Variants in NCAM2 observed in about 807,000 individuals in gnomAD.
The protein encoded by NCAM2 is N-CAM-2.
Under a neutral mutation model 98.1 loss-of-function variants are expected in NCAM2, and 30 were observed. The ratio of observed to expected loss-of-function variants is 0.31; its 90% CI spans 0.23 to 0.41. NCAM2 has a LOEUF of 0.41. NCAM2 is among the 10% of genes least tolerant of loss of function. The pLI is 1.00. For synonymous variants in NCAM2, 368 were observed against 342.4 expected, an observed-to-expected ratio of 1.07 and a Z score of -0.83; for missense variants, 867 against 1,005.8, an observed-to-expected ratio of 0.86 and a Z score of 1.87.
At chr21:21,368,528 A>G (rs1277961762) in intron 8 of NCAM2, among the ~76,000 whole-genome samples, 1 of 151,908 alleles carries the variant, frequency 6.6e-6, no homozygotes, top group Non-Finnish European at 1.5e-5. Flanking sequence ...TCACAGTTCT[A>G]GAGACTGGGA....
intron 14 of NCAM2, among the ~76,000 whole-genome samples, chr21:21,473,300 G>GTATA (rs143852270): frequency 3.6e-4 from 52 of 143,206 alleles, no homozygotes; most frequent in Middle Eastern, 3.7e-3. Flanking sequence ...TGGTCTATCT[G>GTATA]TATATATATA....
At chr21:21,381,975 C>T (rs557098589) in intron 9 of NCAM2, among the ~76,000 whole-genome samples, 4 of 152,154 alleles carry the variant, frequency 2.6e-5, no homozygotes, top group South Asian at 2.1e-4. Context: ...TTTCTTTGCT[C>T]TTGAGAATTC....
At chr21:21,466,130 T>C (rs1983649179) in intron 12 of NCAM2, among the ~76,000 whole-genome samples, 2 of 152,054 alleles carry the variant, frequency 1.3e-5, no homozygotes, top group African/African-American at 4.8e-5. Flanking sequence ...ATTTTTGCTG[T>C]ATTTTCAACT....
chr21:21,436,256 A>G (rs1361737100), intron 12 of NCAM2, among the ~76,000 whole-genome samples: 2 of 152,200 alleles, frequency 1.3e-5, no homozygotes, highest in Non-Finnish European at 2.9e-5. Context: ...CTGTGATTTC[A>G]ATGAGTCACT....
chr21:21,376,631 T>C (rs532223711), intron 9 of NCAM2, among the ~76,000 whole-genome samples: 1 of 151,992 alleles, frequency 6.6e-6, no homozygotes, highest in South Asian at 2.1e-4. Flanking sequence ...TTGTAATCTA[T>C]TAATACCATG....
chr21:21,438,633 G>A (rs1602343961), intron 12 of NCAM2, among the ~76,000 whole-genome samples: 1 of 152,222 alleles, frequency 6.6e-6, no homozygotes. Flanking sequence ...AGACTTTTTG[G>A]TTGGGGAAGC....
chr21:21,345,783 T>TC (rs991882758), intron 8 of NCAM2, among the ~76,000 whole-genome samples: 22 of 152,144 alleles, frequency 1.4e-4, no homozygotes, highest in African/African-American at 4.8e-4. Context: ...ACAAAAGATT[T>TC]CCCTAAAGAA....
chr21:21,075,469 T>C (rs1034065887), intron 1 of NCAM2, among the ~76,000 whole-genome samples: 4 of 152,216 alleles, frequency 2.6e-5, no homozygotes, highest in African/African-American at 9.6e-5. Context: ...TGTATGTTTT[T>C]AAATTTTTCT....
intron 1 of NCAM2, among the ~76,000 whole-genome samples, chr21:21,155,250 T>G (rs1366825304): frequency 6.6e-6 from 1 of 150,724 alleles, no homozygotes; most frequent in African/African-American, 2.4e-5. Flanking sequence ...CAAAGGTGAG[T>G]GGCAACCCAT....
chr21:21,171,896 A>G (rs1483271906), intron 1 of NCAM2, among the ~76,000 whole-genome samples: 2 of 152,136 alleles, frequency 1.3e-5, no homozygotes, highest in Non-Finnish European at 2.9e-5. Flanking sequence ...GCTTATTAGT[A>G]TAGTGCTATA....
chr21:21,479,862 CT>C (rs1985670403), intron 15 of NCAM2, among the ~76,000 whole-genome samples: 1 of 151,960 alleles, frequency 6.6e-6, no homozygotes, highest in South Asian at 2.1e-4. Flanking sequence ...GTCAAAATAA[CT>C]GTTTCCTCAT....
At chr21:21,240,978 CATGTT>C (rs2071042761) in intron 1 of NCAM2, among the ~76,000 whole-genome samples, 1 of 152,066 alleles carries the variant, frequency 6.6e-6, no homozygotes, top group South Asian at 2.1e-4. Context: ...TTAGCAGTAT[CATGTT>C]ATAGTTAAAA....
chr21:21,152,243 T>C, intron 1 of NCAM2, among the ~76,000 whole-genome samples: 1 of 152,088 alleles, frequency 6.6e-6, no homozygotes, highest in East Asian at 1.9e-4. Flanking sequence ...ATTTAGATTT[T>C]GTACTTATAG....
rs2074840005 is a variant in NCAM2, at chr21:21,335,559, A to G, written c.792A>G (p.Thr264=). Residue 264 remains threonine, a synonymous_variant, in exon 7 of 18, where the codon ACA becomes ACG. Transcript: ENST00000400546. ...AGTACATATTGAAAGGGAGCAATAC[A>G]GAACTCACTGTCAGGAACATAATCA... ...NEKYILKGSN[T]ELTVRNIINS... is the part of the protein sequence containing the mutation. 1 of 1,611,370 alleles carries G rather than the reference A, an allele frequency of 6.2e-7. No homozygotes were observed. The highest frequency in any genetic ancestry group is 1.7e-5 in the Admixed American group (1 of 59,716).
chr21:21,189,871 C>T (rs1363025259), intron 1 of NCAM2, among the ~76,000 whole-genome samples: 2 of 152,180 alleles, frequency 1.3e-5, no homozygotes, highest in African/African-American at 2.4e-5. Context: ...AACTAGTCTA[C>T]ATAGAAATCC....
chr21:21,453,227 G>A (rs1032359122), intron 12 of NCAM2, among the ~76,000 whole-genome samples: 2 of 150,092 alleles, frequency 1.3e-5, no homozygotes, highest in Non-Finnish European at 3.0e-5. Context: ...GCAAGATGCT[G>A]TGTAAGTGGG....
intron 1 of NCAM2, among the ~76,000 whole-genome samples, chr21:21,206,156 G>A (rs2069429321): frequency 6.6e-6 from 1 of 152,130 alleles, no homozygotes; most frequent in African/African-American, 2.4e-5. Flanking sequence ...AGTATTCAGA[G>A]TAGCGTGTGG....
intron 1 of NCAM2, among the ~76,000 whole-genome samples, chr21:21,172,299 A>G (rs550104228): frequency 1.5e-4 from 23 of 152,242 alleles, no homozygotes; most frequent in African/African-American, 5.3e-4. Context: ...TAAGAATATT[A>G]TAATATTTGT....
intron 1 of NCAM2, among the ~76,000 whole-genome samples, chr21:21,169,406 A>C (rs1235802681): frequency 6.6e-6 from 1 of 152,202 alleles, no homozygotes; most frequent in East Asian, 1.9e-4. Flanking sequence ...AGGTACACCA[A>C]AGGCACAATC....
Sources: allele counts gnomAD v4.1 joint callset (sites outside exome capture counted in the v4.1 genomes callset), GRCh38; gene constraint gnomAD v4.1.1; transcripts MANE v1.5; gene names NCBI Gene and HGNC (gene_info 2026-07-23, HGNC 2026-07-21).